The following ABHD2 variants were observed in gnomAD, a reference collection of about 807,000 sequenced individuals.
The protein encoded by ABHD2 is monoacylglycerol lipase ABHD2.
A neutral mutation model predicts 48.1 loss-of-function variants in ABHD2; 20 were observed. The observed-to-expected ratio is 0.42, with a 90% confidence interval of 0.29 to 0.60. ABHD2 has a LOEUF of 0.60. Among genes scored for constraint, ABHD2 ranks in the 20% least tolerant of loss-of-function variants. The pLI is 0.24. For synonymous variants in ABHD2, 209 were observed against 214.2 expected, an observed-to-expected ratio of 0.98 and a Z score of 0.21; for missense variants, 405 against 550.9, an observed-to-expected ratio of 0.74 and a Z score of 2.65.
At chr15:89,134,334 G>A (rs1283996030) in intron 3 of ABHD2, among the ~76,000 whole-genome samples, 2 of 151,990 alleles carry the variant, frequency 1.3e-5, no homozygotes, top group Non-Finnish European at 2.9e-5. Flanking sequence ...CTGGTGTGAG[G>A]TGTGGCTCCA....
intron 3 of ABHD2, chr15:89,136,451 T>C (rs2050313965): frequency 6.3e-6 from 3 of 476,174 alleles, no homozygotes. Context: ...AAAATGCATA[T>C]GATGGCATTT....
At chr15:89,122,525 C>T (rs947798430) in intron 3 of ABHD2, among the ~76,000 whole-genome samples, 9 of 152,188 alleles carry the variant, frequency 5.9e-5, no homozygotes, top group Non-Finnish European at 1.5e-5. Flanking sequence ...ATCAGGTGTA[C>T]CTTCAGCTCT....
At position 89,155,507 on chromosome 15, in the gene ABHD2, T is replaced by C. The variant is rs369834043; in HGVS notation, c.511T>C (p.Leu171=). 2.7e-5 allele frequency: 44 copies of C among 1,613,964 alleles called. No individual in the cohort carries two copies. The highest frequency in any genetic ancestry group is 3.6e-5 in the Non-Finnish European group (43 of 1,179,942). Residue 171 remains leucine, a synonymous_variant, in exon 5 of 11, where the codon TTG becomes CTG. Coordinates refer to ENST00000352732, the MANE Select transcript of ABHD2 (RefSeq NM_152924.5). The surrounding 1 kb of genome is among the most constrained non-coding windows in gnomAD (Gnocchi z 4.9). ...NHLGALPNIE[L]TSPRMFTYGC... Reference sequence around the variant, plus strand: ...CCTGGGTGCCCTGCCCAACATTGAATTGACCTCGCCACGCATGTTCACCTA... The same window carrying C: ...CCTGGGTGCCCTGCCCAACATTGAACTGACCTCGCCACGCATGTTCACCTA...
In ABHD2 at chr15:89,195,412, G is replaced by A. The variant is rs145208145; in HGVS notation, c.1267G>A (p.Asp423Asn). Residue 423 changes from aspartate (D) to asparagine (N), a missense_variant, in exon 11 of 11, where the codon GAC becomes AAC. Transcript: ENST00000352732. This position sits in a 1 kb window ranked among gnomAD's most constrained non-coding sequence, Gnocchi z 5.1. ...QCSDTEQVEADLE is the reference protein window; with the variant it reads ...QCSDTEQVEANLE ...CTCTGACACGGAGCAGGTGGAGGCC[G>A]ACCTGGAGTGAGGCCTCCGGACTCT... The A allele has an allele frequency of 2.4e-5, 39 of 1,613,060 alleles. No homozygotes were observed. The Middle Eastern group carries it at 8.3e-4, about 34-fold the overall frequency.
chr15:89,130,520 C>T (rs1330554381), intron 3 of ABHD2, among the ~76,000 whole-genome samples: 1 of 152,184 alleles, frequency 6.6e-6, no homozygotes, highest in African/African-American at 2.4e-5. Context: ...GGTAAAGCCC[C>T]TTCCTCATCC....
Position 89,167,878 on chromosome 15 carries a change from G to A in ABHD2, c.539-7934G>A, listed in dbSNP as rs74029932. 2.8e-3 allele frequency among the ~76,000 whole-genome samples: 422 copies of A among 152,294 alleles called. 2 individuals are homozygous for A. Among genetic ancestry groups the A allele is most frequent in the African/African-American group, 9.4e-3 (391 of 41,556 alleles). On this transcript the variant is annotated intron_variant, in intron 5 of 10. Coordinates refer to ENST00000352732, the MANE Select transcript of ABHD2 (RefSeq NM_152924.5). This position sits in a 1 kb window ranked among gnomAD's most constrained non-coding sequence, Gnocchi z 5.5. ...ATTTTTCTCTTAGGCTAAACTTAGT[G>A]GGAAAGATATTCAAGTACCTCTTTC... is the stretch of plus-strand genomic sequence containing the variant.
At chr15:89,180,816 A>G (rs2051098274) in intron 6 of ABHD2, among the ~76,000 whole-genome samples, 1 of 152,246 alleles carries the variant, frequency 6.6e-6, no homozygotes, top group South Asian at 2.1e-4. Flanking sequence ...AATAATCCAC[A>G]TGTCCAGCAT....
At chr15:89,069,408 A>G in the ABHD2 span, among the ~76,000 whole-genome samples, 2 of 151,990 alleles carry the variant, frequency 1.3e-5, no homozygotes, top group African/African-American at 4.8e-5. Flanking sequence ...GATTACAGGC[A>G]TAATCTTTTT....
At chr15:89,095,463 T>C (rs2049597667) in intron 1 of ABHD2, among the ~76,000 whole-genome samples, 1 of 152,200 alleles carries the variant, frequency 6.6e-6, no homozygotes, top group Admixed American at 6.5e-5. Flanking sequence ...AAGCCTGGAT[T>C]TGTCATGTTT....
In ABHD2 at chr15:89,185,330, A is replaced by G; in HGVS notation, c.723-94A>G. On this transcript the variant is annotated intron_variant, in intron 6 of 10. Transcript: ENST00000352732. The surrounding 1 kb of genome is among the most constrained non-coding windows in gnomAD (Gnocchi z 5.9). Reference sequence around the variant, plus strand: ...CACAGCCTGAGAGCCGGCCCTCTCCACACAAGCACCTCACCCCATGGCTAG... The same window carrying G: ...CACAGCCTGAGAGCCGGCCCTCTCCGCACAAGCACCTCACCCCATGGCTAG... 1.1e-6 allele frequency: 1 copy of G among 923,260 alleles called. No homozygotes were observed. Among genetic ancestry groups the G allele is most frequent in the African/African-American group, 1.7e-5 (1 of 60,118 alleles). The allele number at this position is 923,260 out of a possible 1,614,324, so 57.2% of individuals were successfully genotyped here.
At chr15:89,112,635 T>C (rs544060149) in intron 1 of ABHD2, among the ~76,000 whole-genome samples, 195 of 152,350 alleles carry the variant, frequency 1.3e-3, no homozygotes, top group African/African-American at 4.4e-3. Context: ...TGTGGTAGAA[T>C]CAGAAAAAAG....
chr15:89,084,343 A>G (rs1342079390), upstream of ABHD2, among the ~76,000 whole-genome samples: 1 of 152,180 alleles, frequency 6.6e-6, no homozygotes, highest in African/African-American at 2.4e-5. This position sits in a 1 kb window ranked among gnomAD's most constrained non-coding sequence, Gnocchi z 4.4. Context: ...TCTGTTGCCC[A>G]GGCTGGAGTG....
chr15:89,177,601 G>A lies in ABHD2; in HGVS notation c.722+1606G>A, dbSNP rs147001317. ...CTCAGTGGTCTCTCCAGCTGCTCTC[G>A]CGTTCCAGGACCAGGCTAGTCCCCC... is the stretch of plus-strand genomic sequence containing the variant. On this transcript the variant is annotated intron_variant, in intron 6 of 10. Coordinates refer to ENST00000352732, the MANE Select transcript of ABHD2 (RefSeq NM_152924.5). The surrounding 1 kb of genome is among the most constrained non-coding windows in gnomAD (Gnocchi z 5.6). Among the ~76,000 whole-genome samples the A allele has an allele frequency of 4.3e-3, 661 of 152,204 alleles. 6 individuals are homozygous for A. Among genetic ancestry groups the A allele is most frequent in the Middle Eastern group, 0.017 (5 of 294 alleles).
At chr15:89,154,202 T>C (rs377151151) in intron 4 of ABHD2, among the ~76,000 whole-genome samples, 12 of 152,308 alleles carry the variant, frequency 7.9e-5, no homozygotes, top group African/African-American at 2.2e-4. Flanking sequence ...TCCTCCTGCC[T>C]CAGCCTCGCA....
chr15:89,074,618 G>C, the ABHD2 span, among the ~76,000 whole-genome samples: 5 of 152,264 alleles, frequency 3.3e-5, no homozygotes, highest in African/African-American at 1.2e-4. Flanking sequence ...CATAAGGCAG[G>C]CACCCGAAGT....
chr15:89,201,934 CA>C lies in ABHD2; in HGVS notation c.*6512del. 1.1e-5 allele frequency: 6 copies of C among 529,966 alleles called. No homozygotes were observed. Among genetic ancestry groups the C allele is most frequent in the Admixed American group, 3.6e-5 (1 of 27,508 alleles). 32.8% of individuals were successfully genotyped at this position (529,966 alleles called of 1,614,324 possible). The stretch of plus-strand genomic sequence containing the variant: ...CTGTTCAACCACATTCTTATGTTGG[CA>C]GATCTGCTTCCAGATTGATTTTTAG... On this transcript the variant is annotated 3_prime_UTR_variant, in exon 11 of 11. Coordinates refer to ENST00000352732, the MANE Select transcript of ABHD2 (RefSeq NM_152924.5).
the ABHD2 span, among the ~76,000 whole-genome samples, chr15:89,046,696 G>T: frequency 2.0e-5 from 3 of 152,168 alleles, no homozygotes; most frequent in African/African-American, 7.2e-5. Context: ...AGAGGTGTTT[G>T]TAGTATTCTC....
At chr15:89,117,193 T>G (rs959404330) in intron 3 of ABHD2, among the ~76,000 whole-genome samples, 1 of 152,150 alleles carries the variant, frequency 6.6e-6, no homozygotes, top group African/African-American at 2.4e-5. Context: ...GCCCGGCTAA[T>G]TTTTGTATTT....
At chr15:89,142,190 A>G (rs946392272) in intron 3 of ABHD2, among the ~76,000 whole-genome samples, 2 of 152,206 alleles carry the variant, frequency 1.3e-5, no homozygotes, top group African/African-American at 4.8e-5. Context: ...CCTGTGGTAA[A>G]GTGGGGTTAA....
Sources: allele counts gnomAD v4.1 joint callset (sites outside exome capture counted in the v4.1 genomes callset), GRCh38; gene constraint gnomAD v4.1.1; non-coding constraint Gnocchi (gnomAD v3.1); transcripts MANE v1.5; gene names NCBI Gene and HGNC (gene_info 2026-07-23, HGNC 2026-07-21).